The following CYSLTR1 variants were observed in gnomAD, a reference collection of about 807,000 sequenced individuals.
CYSLTR1 encodes G-protein coupled receptor HG55.
A neutral mutation model predicts 2.1 loss-of-function variants in CYSLTR1; 1 was observed. The ratio of observed to expected loss-of-function variants is 0.48; its 90% CI spans 0.17 to 2.28. The LOEUF is 2.28. Ranked by LOEUF, CYSLTR1 falls within the 30% of genes most tolerant of loss-of-function variation. The pLI, the probability that CYSLTR1 is intolerant of heterozygous loss-of-function variation, is 0.26. For missense variants in CYSLTR1, 299 were observed against 250.1 expected (o/e 1.20, Z -1.32); for synonymous variants, 110 against 89.6 (o/e 1.23, Z -1.28).
Position 78,271,866 on chromosome X carries a change from G to A in CYSLTR1, c.*867C>T, listed in dbSNP as rs1350858762. The A allele has an allele frequency of 8.9e-6, 1 of 111,978 alleles. No homozygotes were observed. The highest frequency in any genetic ancestry group is 3.2e-5 in the African/African-American group (1 of 30,913). 9.2% of individuals were successfully genotyped at this position (111,978 alleles called of 1,213,427 possible). A position where few individuals can be genotyped will look rare whatever the true frequency, so the allele number is the denominator to read the frequency against. ...GTAGTTTATTTTGATCCCAGCAATT[G>A]GCATATAGAAAAGTAGATTCCTTTT... On this transcript the variant is annotated 3_prime_UTR_variant, in exon 3 of 3. Coordinates refer to ENST00000373304, the MANE Select transcript of CYSLTR1 (RefSeq NM_006639.4).
At chrX:78,284,967 G>A (rs1189724137) in intron 1 of CYSLTR1, among the ~76,000 whole-genome samples, 1 of 110,964 alleles carries the variant, frequency 9.0e-6, no homozygotes, top group Non-Finnish European at 1.9e-5. Flanking sequence ...GTTGACATAT[G>A]TAACCTACTA....
rs1261657723 is a variant in CYSLTR1 at position 78,273,473 on chromosome X, CA to C, written c.273del (p.Phe91LeufsTer24). The C allele has an allele frequency of 8.3e-7, 1 of 1,211,527 alleles. No individual in the cohort carries two copies. Among genetic ancestry groups the C allele is most frequent in the East Asian group, 3.0e-5 (1 of 33,850 alleles). ...VYYVHKGIWL[F>X]GDFLCRLSTY... is the part of the protein sequence containing the mutation. Reference sequence around the variant, plus strand: ...GTGCTGAGGCGGCACAAGAAGTCACCAAAGAGCCAAATGCCTTTGTGAACAT... The same window carrying C: ...GTGCTGAGGCGGCACAAGAAGTCACCAAGAGCCAAATGCCTTTGTGAACAT... On this transcript the variant is annotated frameshift_variant, in exon 3 of 3. Transcript: ENST00000373304. LOFTEE classifies it low-confidence loss of function (END_TRUNC).
chrX:78,326,675 C>G (rs1360192433), intron 1 of CYSLTR1, among the ~76,000 whole-genome samples: 2 of 112,218 alleles, frequency 1.8e-5, no homozygotes, highest in African/African-American at 6.5e-5. Flanking sequence ...CAATTTTCTT[C>G]TATTCATTTA....
rs201301539 is a variant in CYSLTR1, at chrX:78,272,925, C to T, written c.822G>A (p.Gln274=). ...TKPCDSVLRM[Q]KSVVITLSLA... Reference sequence around the variant, plus strand: ...GAGACAAGGTTATGACCACGGACTTCTGCATTCTAAGGACAGAATCACAGG... The same window carrying T: ...GAGACAAGGTTATGACCACGGACTTTTGCATTCTAAGGACAGAATCACAGG... Residue 274 remains glutamine (Q), a synonymous_variant, in exon 3 of 3, where the codon CAG becomes CAA. Transcript: ENST00000373304. 5.8e-5 allele frequency: 70 copies of T among 1,209,109 alleles called. No homozygotes were observed. The African/African-American group carries it at 7.7e-4, about 13-fold the overall frequency.
intron 1 of CYSLTR1, among the ~76,000 whole-genome samples, chrX:78,308,549 T>C (rs1371964038): frequency 9.0e-6 from 1 of 111,638 alleles, no homozygotes; most frequent in African/African-American, 3.3e-5. Context: ...TTATATTAAA[T>C]ACTAAGATGT....
At chrX:78,313,670 G>A (rs1923297571) in intron 1 of CYSLTR1, among the ~76,000 whole-genome samples, 1 of 111,336 alleles carries the variant, frequency 9.0e-6, no homozygotes, top group South Asian at 3.8e-4. Flanking sequence ...GTTGTACATT[G>A]GAGTTCCAAA....
intron 2 of CYSLTR1, among the ~76,000 whole-genome samples, chrX:78,274,827 C>T (rs1416720945): frequency 9.0e-6 from 1 of 111,266 alleles, no homozygotes; most frequent in Non-Finnish European, 1.9e-5. Flanking sequence ...GCAATCTACT[C>T]ATCTGACAAA....
chrX:78,303,813 C>G lies in CYSLTR1; in HGVS notation c.-114-20273G>C, dbSNP rs759979654. ...TTCAGTGGATGATTAATTGAGTGAT[C>G]TTGGGCAAATCACTTCTTTTTTTAT... is the stretch of plus-strand genomic sequence containing the variant. On this transcript the variant is annotated intron_variant, in intron 1 of 2. Transcript: ENST00000373304. Among the ~76,000 whole-genome samples the G allele has an allele frequency of 9.0e-5, 10 of 111,569 alleles. No homozygotes were observed. The East Asian group carries it at 2.8e-3, about 32-fold the overall frequency.
chrX:78,321,830 T>C (rs1923677835), intron 1 of CYSLTR1: 1 of 111,805 alleles, frequency 8.9e-6, no homozygotes. Context: ...TGGGTGTTTT[T>C]GGATTGAACC....
At chrX:78,315,116 C>T (rs1480889191) in intron 1 of CYSLTR1, among the ~76,000 whole-genome samples, 1 of 107,063 alleles carries the variant, frequency 9.3e-6, no homozygotes, top group Non-Finnish European at 1.9e-5. Context: ...AGCTATGAGG[C>T]CCCCTTTCCA....
intron 1 of CYSLTR1, among the ~76,000 whole-genome samples, chrX:78,293,686 CT>C (rs1315809338): frequency 9.0e-6 from 1 of 111,350 alleles, no homozygotes; most frequent in East Asian, 2.8e-4. Flanking sequence ...TCTTTTTACC[CT>C]TTTTTTCTCT....
At chrX:78,308,463 T>C (rs1425535044) in intron 1 of CYSLTR1, among the ~76,000 whole-genome samples, 1 of 111,386 alleles carries the variant, frequency 9.0e-6, no homozygotes, top group Non-Finnish European at 1.9e-5. Flanking sequence ...GTTTAAATAA[T>C]AGGGCTGGAA....
rs750832274 is a variant in CYSLTR1, at chrX:78,318,643, T to C, written c.-115+8662A>G. Among the ~76,000 whole-genome samples the C allele has an allele frequency of 4.4e-5, 5 of 112,426 alleles. No homozygotes were observed. The East Asian group carries it at 1.4e-3, about 31-fold the overall frequency. On this transcript the variant is annotated intron_variant, in intron 1 of 2. Transcript: ENST00000373304. ...TAGTCTATCATTTTCAGCTGCTTATTAGATTGCTCTACTTGGATCTCTTGT... is the reference window on the plus strand; with the variant it reads ...TAGTCTATCATTTTCAGCTGCTTATCAGATTGCTCTACTTGGATCTCTTGT...
rs1921308067 is a variant in CYSLTR1 at position 78,272,476 on chromosome X, TAAAAATATTCTCC to T, written c.*244_*256del. The T allele has an allele frequency of 4.3e-6, 1 of 230,341 alleles. No homozygotes were observed. Among genetic ancestry groups the T allele is most frequent in the Non-Finnish European group, 7.7e-6 (1 of 129,447 alleles). 19.0% of individuals were successfully genotyped at this position (230,341 alleles called of 1,213,427 possible). ...TAAGACATATTTTATAGTGCAAAGA[TAAAAATATTCTCC>T]AAATTCTGGTGAGTGGTCAAAATTA... is the stretch of plus-strand genomic sequence containing the variant. On this transcript the variant is annotated 3_prime_UTR_variant, in exon 3 of 3. Transcript: ENST00000373304.
chrX:78,287,834 G>T (rs1223645433), intron 1 of CYSLTR1, among the ~76,000 whole-genome samples: 1 of 111,150 alleles, frequency 9.0e-6, no homozygotes, highest in African/African-American at 3.3e-5. Flanking sequence ...ATACTTTGGG[G>T]TGATGGATAT....
chrX:78,322,364 G>T (rs1321237894), intron 1 of CYSLTR1, among the ~76,000 whole-genome samples: 1 of 112,361 alleles, frequency 8.9e-6, no homozygotes, highest in African/African-American at 3.2e-5. Flanking sequence ...AAATTACAAA[G>T]CTCTTTAAAA....
chrX:78,280,530 G>GT (rs1334641483), intron 2 of CYSLTR1, among the ~76,000 whole-genome samples: 1 of 106,564 alleles, frequency 9.4e-6, no homozygotes, highest in Admixed American at 1.0e-4. Flanking sequence ...TGTGTTGGGG[G>GT]GGGGGTAAGA....
intron 1 of CYSLTR1, among the ~76,000 whole-genome samples, chrX:78,295,462 C>T (rs1309573519): frequency 9.3e-6 from 1 of 107,524 alleles, no homozygotes; most frequent in East Asian, 2.9e-4. Context: ...TTTTGAGGAA[C>T]CTCCAAACTG....
At chrX:78,275,527 A>G (rs1483278661) in intron 2 of CYSLTR1, among the ~76,000 whole-genome samples, 1 of 104,147 alleles carries the variant, frequency 9.6e-6, no homozygotes, top group Non-Finnish European at 2.0e-5. Context: ...TGGGAATTGA[A>G]CAATGAGAAC....
Sources: allele counts gnomAD v4.1 joint callset (sites outside exome capture counted in the v4.1 genomes callset), GRCh38; gene constraint gnomAD v4.1.1; transcripts MANE v1.5; gene names NCBI Gene and HGNC (gene_info 2026-07-23, HGNC 2026-07-21).